PTPRK: variants seen among roughly 807,000 people sequenced by gnomAD.
PTPRK encodes receptor-type tyrosine-protein phosphatase kappa.
Under a neutral mutation model 178.0 loss-of-function variants are expected in PTPRK, and 75 were observed. That is an observed-to-expected ratio of 0.42 (90% CI 0.35 to 0.51). The LOEUF (loss-of-function observed/expected upper bound fraction) is 0.51, where lower values mean the gene tolerates loss of function less well. PTPRK is among the 20% of genes least tolerant of loss of function. The probability of loss-of-function intolerance (pLI) is 0.02; values close to 1 mark genes in which losing one functional copy is unlikely to be tolerated. For synonymous variants in PTPRK, 637 were observed against 620.6 expected, an observed-to-expected ratio of 1.03 and a Z score of -0.39; for missense variants, 1,441 against 1,797.8, an observed-to-expected ratio of 0.80 and a Z score of 3.59.
intron 3 of PTPRK, among the ~76,000 whole-genome samples, chr6:128,263,602 G>A (rs1236935178): frequency 6.6e-6 from 1 of 152,114 alleles, no homozygotes; most frequent in Admixed American, 6.6e-5. Context: ...TAATAAGAAA[G>A]TGATATTTTA....
chr6:128,482,023 G>T (rs1852156944), intron 1 of PTPRK, among the ~76,000 whole-genome samples: 1 of 152,050 alleles, frequency 6.6e-6, no homozygotes, highest in African/African-American at 2.4e-5. Flanking sequence ...AAGAACTAAT[G>T]AACGAATCCT....
chr6:128,037,503 A>ATC (rs1378461942), intron 13 of PTPRK, among the ~76,000 whole-genome samples: 22 of 152,318 alleles, frequency 1.4e-4, no homozygotes, highest in Middle Eastern at 3.4e-3. Flanking sequence ...AAGAATGCAT[A>ATC]TCTTAAAATA....
In PTPRK at chr6:127,985,736, A is replaced by T. The variant is rs1775898439; in HGVS notation, c.3236T>A (p.Ile1079Asn). ...KLSNPPSAGPIVVHCSAGAGR... is the reference protein window; with the variant it reads ...KLSNPPSAGPNVVHCSAGAGR... ...CACCACTTACCTGCAATGTACAACG[A>T]TGGGGCCAGCACTGGGAGGGTTTGA... The change falls in exon 22 of 30, where the codon ATC (isoleucine) becomes AAC (asparagine). Residue 1079 changes from isoleucine to asparagine, a missense_variant. This residue lies in a region of PTPRK where 335 missense variants were observed against 512.4 expected (regional missense o/e 0.65). Coordinates refer to ENST00000368226, the MANE Select transcript of PTPRK (RefSeq NM_002844.4). 6.2e-7 allele frequency: 1 copy of T among 1,612,998 alleles called. No homozygotes were observed. The highest frequency in any genetic ancestry group is 8.5e-7 in the Non-Finnish European group (1 of 1,179,292).
At chr6:128,094,487 A>C (rs531461476) in intron 7 of PTPRK, among the ~76,000 whole-genome samples, 4 of 152,294 alleles carry the variant, frequency 2.6e-5, no homozygotes, top group African/African-American at 9.6e-5. Flanking sequence ...CTAATGTGTT[A>C]ATACCAAATG....
At chr6:128,278,613 G>A (rs1011056721) in intron 3 of PTPRK, among the ~76,000 whole-genome samples, 3 of 152,112 alleles carry the variant, frequency 2.0e-5, no homozygotes, top group Non-Finnish European at 4.4e-5. Flanking sequence ...CTAATGCATT[G>A]TTATCAACCA....
chr6:128,080,987 AAC>A (rs1470132276), intron 10 of PTPRK, among the ~76,000 whole-genome samples: 1 of 151,954 alleles, frequency 6.6e-6, no homozygotes, highest in Non-Finnish European at 1.5e-5. Flanking sequence ...GTTCAACACA[AAC>A]ACAGTATCTG....
intron 15 of PTPRK, among the ~76,000 whole-genome samples, chr6:128,001,811 C>T (rs1777865512): frequency 6.6e-6 from 1 of 151,834 alleles, no homozygotes; most frequent in South Asian, 2.1e-4. Context: ...TGTAAGGAAA[C>T]TTTTAACATT....
intron 15 of PTPRK, among the ~76,000 whole-genome samples, chr6:127,999,379 C>T (rs942377073): frequency 2.4e-4 from 37 of 151,962 alleles, no homozygotes; most frequent in African/African-American, 8.5e-4. Flanking sequence ...TCTCGTGGCC[C>T]TATTCTCTGG....
intron 3 of PTPRK, among the ~76,000 whole-genome samples, chr6:128,258,206 T>C (rs1013229116): frequency 6.6e-6 from 1 of 152,174 alleles, no homozygotes; most frequent in Non-Finnish European, 1.5e-5. Context: ...CTTGTCCCTA[T>C]ATTCTTCTAT....
chr6:128,323,503 G>T (rs1584154503), intron 2 of PTPRK, among the ~76,000 whole-genome samples: 1 of 152,200 alleles, frequency 6.6e-6, no homozygotes, highest in South Asian at 2.1e-4. Flanking sequence ...ACATGTAAAA[G>T]TAATCAATCT....
chr6:128,044,947 G>A (rs1295410583), intron 13 of PTPRK, among the ~76,000 whole-genome samples: 1 of 151,850 alleles, frequency 6.6e-6, no homozygotes, highest in Non-Finnish European at 1.5e-5. Context: ...AATCATGCCT[G>A]GTACACAGGG....
At chr6:128,045,119 T>A (rs2114850561) in intron 13 of PTPRK, among the ~76,000 whole-genome samples, 1 of 152,182 alleles carries the variant, frequency 6.6e-6, no homozygotes, top group South Asian at 2.1e-4. Flanking sequence ...TTCTCAGAAA[T>A]TTTCCACAAG....
rs76660906 is a variant in PTPRK, at chr6:128,232,925, C to T, written c.693+7110G>A. ...TTTTTTCTTTATGCATGTTACCTAGCGTGAGCTGATCACATATTATGTATT... is the reference window on the plus strand; with the variant it reads ...TTTTTTCTTTATGCATGTTACCTAGTGTGAGCTGATCACATATTATGTATT... On this transcript the variant is annotated intron_variant, in intron 5 of 29. Transcript: ENST00000368226. Among the ~76,000 whole-genome samples the T allele has an allele frequency of 5.3e-5, 8 of 152,254 alleles. No individual in the cohort carries two copies. The East Asian group carries it at 1.3e-3, about 26-fold the overall frequency.
At chr6:128,444,415 T>C (rs1846676955) in intron 1 of PTPRK, among the ~76,000 whole-genome samples, 1 of 152,156 alleles carries the variant, frequency 6.6e-6, no homozygotes, top group Non-Finnish European at 1.5e-5. Context: ...AGATTTCCTC[T>C]TAGTAATTTT....
chr6:128,445,638 T>C (rs986687671), intron 1 of PTPRK, among the ~76,000 whole-genome samples: 1 of 152,118 alleles, frequency 6.6e-6, no homozygotes, highest in Non-Finnish European at 1.5e-5. Context: ...GACCAACTTT[T>C]AGAAGCAAAG....
At chr6:128,060,499 T>C (rs1780626449) in intron 13 of PTPRK, among the ~76,000 whole-genome samples, 1 of 152,170 alleles carries the variant, frequency 6.6e-6, no homozygotes, top group Non-Finnish European at 1.5e-5. Flanking sequence ...TGTGCTCTAA[T>C]ATATCAACTC....
rs1196969674 is a variant in PTPRK at position 128,464,560 on chromosome 6, T to TATTTCACCAGGAGCC, written c.100+55684_100+55698dup. 8.0e-4 allele frequency among the ~76,000 whole-genome samples: 118 copies of TATTTCACCAGGAGCC among 147,246 alleles called. 1 individual carries two copies. Among genetic ancestry groups the TATTTCACCAGGAGCC allele is most frequent in the African/African-American group, 2.9e-3 (116 of 40,228 alleles). On this transcript the variant is annotated intron_variant, in intron 1 of 29. Transcript: ENST00000368226. ...TAAGAATTTTTAACATGTTATTATA[T>TATTTCACCAGGAGCC]ATTTCACCAGGAGCCATCTAAAGCC...
intron 3 of PTPRK, among the ~76,000 whole-genome samples, chr6:128,243,267 T>C (rs916719154): frequency 1.3e-5 from 2 of 151,580 alleles, no homozygotes; most frequent in Non-Finnish European, 2.9e-5. Context: ...TCCAAGAATG[T>C]TAAGAAAAAA....
At chr6:128,361,784 T>C (rs540373760) in intron 2 of PTPRK, among the ~76,000 whole-genome samples, 91 of 152,316 alleles carry the variant, frequency 6.0e-4, no homozygotes, top group African/African-American at 2.2e-3. Flanking sequence ...CAGTCTATCA[T>C]TGACCAAAAC....
Sources: gnomAD v4.1 joint callset for allele counts (sites outside exome capture counted in the v4.1 genomes callset) on GRCh38, gnomAD v4.1.1 for gene constraint, gnomAD v4.1.1 regional missense constraint, MANE v1.5 for transcripts, NCBI Gene and HGNC (gene_info 2026-07-23, HGNC 2026-07-21) for gene names.